Variants in PDE4D observed in about 807,000 individuals in gnomAD.
PDE4D encodes phosphodiesterase 4D, also known as 3',5'-cyclic-AMP phosphodiesterase 4D.
A neutral mutation model predicts 87.4 loss-of-function variants in PDE4D; 24 were observed. The ratio of observed to expected loss-of-function variants is 0.27; its 90% CI spans 0.20 to 0.39. The LOEUF (loss-of-function observed/expected upper bound fraction) is 0.39. Among genes scored for constraint, PDE4D ranks in the 10% least tolerant of loss-of-function variants. The pLI, the probability that PDE4D is intolerant of heterozygous loss-of-function variation, is 1.00. For missense variants in PDE4D, 714 were observed against 1,041.0 expected, an observed-to-expected ratio of 0.69 and a Z score of 4.32; for synonymous variants, 384 against 383.2, an observed-to-expected ratio of 1.00 and a Z score of -0.02.
chr5:59,616,918 CATATATATATATATATAT>C (rs55821264), intron 1 of PDE4D, among the ~76,000 whole-genome samples: 2,911 of 62,956 alleles, frequency 0.046, 257 homozygotes, highest in African/African-American at 0.14. Flanking sequence ...CTAATAATTA[CATATATATATATATATAT>C]ATATATATAT....
intron 1 of PDE4D, among the ~76,000 whole-genome samples, chr5:59,758,444 C>T (rs1761555494): frequency 1.3e-5 from 2 of 152,114 alleles, no homozygotes; most frequent in Non-Finnish European, 2.9e-5. Context: ...TTTTCAAGAT[C>T]TCCTTTTGAG....
chr5:60,157,163 A>C (rs1782048234), intron 2 of PDE4D, among the ~76,000 whole-genome samples: 1 of 152,084 alleles, frequency 6.6e-6, no homozygotes, highest in Non-Finnish European at 1.5e-5. Context: ...TATCTTTTTG[A>C]ATATGTTTAA....
At chr5:60,517,568 C>A (rs1021662066) in intron 1 of PDE4D, among the ~76,000 whole-genome samples, 2 of 152,192 alleles carry the variant, frequency 1.3e-5, no homozygotes, top group East Asian at 1.9e-4. Flanking sequence ...AGAGGAGCTA[C>A]CCACTGTAGG....
At chr5:60,379,303 A>G (rs574577020) in intron 1 of PDE4D, among the ~76,000 whole-genome samples, 1 of 152,116 alleles carries the variant, frequency 6.6e-6, no homozygotes, top group Non-Finnish European at 1.5e-5. Flanking sequence ...ACAGAGCTTT[A>G]GGTATTTTTA....
chr5:58,990,506 G>T (rs757269190), intron 9 of PDE4D, among the ~76,000 whole-genome samples: 1 of 152,064 alleles, frequency 6.6e-6, no homozygotes, highest in Non-Finnish European at 1.5e-5. Context: ...TATGCAGTCA[G>T]GTTCAGATGA....
intron 5 of PDE4D, chr5:59,157,302 C>A: frequency 1.4e-6 from 1 of 702,290 alleles, no homozygotes; most frequent in Non-Finnish European, 2.6e-6. Context: ...AAATCATCTG[C>A]CAGGGTCACA....
intron 5 of PDE4D, among the ~76,000 whole-genome samples, chr5:59,156,331 A>ATATATATATATATATATG (rs1384479557): frequency 5.5e-4 from 67 of 122,746 alleles, no homozygotes; most frequent in African/African-American, 1.1e-3. Flanking sequence ...ATATATATAT[A>ATATATATATATATATATG]TGTGTGTGTG....
chr5:59,372,695 G>A (rs1254334825), intron 1 of PDE4D, among the ~76,000 whole-genome samples: 2 of 152,148 alleles, frequency 1.3e-5, no homozygotes, highest in Admixed American at 1.3e-4. Context: ...GCTCCAGCAA[G>A]GGCCTCCTGC....
intron 1 of PDE4D, among the ~76,000 whole-genome samples, chr5:59,477,899 G>C (rs62357503): frequency 6.6e-6 from 1 of 152,050 alleles, no homozygotes; most frequent in Non-Finnish European, 1.5e-5. Flanking sequence ...CAGCAACATG[G>C]ATGCAACTGG....
chr5:59,556,798 T>C (rs1201252608), intron 1 of PDE4D, among the ~76,000 whole-genome samples: 1 of 152,134 alleles, frequency 6.6e-6, no homozygotes, highest in Non-Finnish European at 1.5e-5. Context: ...GACTTTGTAC[T>C]TTTTGTAACT....
At chr5:59,483,827 C>T (rs184999469) in intron 1 of PDE4D, among the ~76,000 whole-genome samples, 1 of 152,322 alleles carries the variant, frequency 6.6e-6, no homozygotes, top group Admixed American at 6.5e-5. Context: ...GACACCTTTG[C>T]TGCTCCCTTT....
upstream of PDE4D, among the ~76,000 whole-genome samples, chr5:59,894,846 T>G (rs1412680633): frequency 2.0e-5 from 3 of 152,202 alleles, no homozygotes; most frequent in Non-Finnish European, 2.9e-5. Flanking sequence ...GTGTCAAATG[T>G]TTTTTAAAGA....
chr5:59,114,933 G>T (rs895427646), intron 5 of PDE4D, among the ~76,000 whole-genome samples: 2 of 152,122 alleles, frequency 1.3e-5, no homozygotes, highest in Non-Finnish European at 2.9e-5. Context: ...AGAAGTTTGG[G>T]TGCGAAAATC....
intron 2 of PDE4D, among the ~76,000 whole-genome samples, chr5:60,104,794 C>A (rs1424121197): frequency 6.6e-6 from 1 of 152,220 alleles, no homozygotes; most frequent in African/African-American, 2.4e-5. Context: ...AGACCTGCAG[C>A]TGAGGGTCCT....
chr5:59,765,778 A>G (rs754407028), intron 1 of PDE4D, among the ~76,000 whole-genome samples: 3 of 152,206 alleles, frequency 2.0e-5, no homozygotes, highest in Non-Finnish European at 4.4e-5. Context: ...AAGAAATAAA[A>G]ATTCACTGTG....
At chr5:59,883,856 A>AT (rs756195649) in intron 1 of PDE4D, among the ~76,000 whole-genome samples, 1 of 152,022 alleles carries the variant, frequency 6.6e-6, no homozygotes, top group Non-Finnish European at 1.5e-5. Context: ...TTTTCATGCC[A>AT]TTTTCTCTTC....
chr5:59,804,038 C>G (rs144089680), intron 1 of PDE4D, among the ~76,000 whole-genome samples: 20 of 152,184 alleles, frequency 1.3e-4, no homozygotes, highest in African/African-American at 4.8e-4. Context: ...TATTCATTTT[C>G]TATTTCTATA....
At chr5:60,106,932 C>G (rs1382216405) in intron 2 of PDE4D, among the ~76,000 whole-genome samples, 1 of 151,526 alleles carries the variant, frequency 6.6e-6, no homozygotes, top group East Asian at 1.9e-4. Flanking sequence ...GACACCCTAA[C>G]ATCACAATTA....
chr5:59,343,612 A>C (rs1430720117), intron 1 of PDE4D, among the ~76,000 whole-genome samples: 3 of 152,184 alleles, frequency 2.0e-5, no homozygotes, highest in Admixed American at 6.5e-5. Context: ...AATTGGATAT[A>C]AGTTCACAGG....
Sources: gnomAD v4.1 joint callset for allele counts (sites outside exome capture counted in the v4.1 genomes callset) on GRCh38, gnomAD v4.1.1 for gene constraint, MANE v1.5 for transcripts, NCBI Gene and HGNC (gene_info 2026-07-23, HGNC 2026-07-21) for gene names.